SHISA6: variants seen among roughly 807,000 people sequenced by gnomAD.
SHISA6 encodes protein shisa-6.
SHISA6 carries 22 observed loss-of-function variants against 47.9 expected under a neutral mutation model. The observed-to-expected ratio is 0.46, with a 90% CI of 0.33 to 0.66. The LOEUF is 0.66. Among genes scored for constraint, SHISA6 ranks in the 30% least tolerant of loss-of-function variants. SHISA6 has a pLI of 0.02. For synonymous variants in SHISA6, 388 were observed against 337.8 expected, an observed-to-expected ratio of 1.15 and a Z score of -1.63; for missense variants, 680 against 764.6, an observed-to-expected ratio of 0.89 and a Z score of 1.30.
chr17:11,474,324 CT>C (rs968338052), intron 3 of SHISA6, among the ~76,000 whole-genome samples: 6 of 149,060 alleles, frequency 4.0e-5, no homozygotes, highest in Middle Eastern at 3.4e-3. Flanking sequence ...TGATGATGAG[CT>C]TTTTTTTTCA....
At chr17:11,475,689 C>CT (rs1231077140) in intron 3 of SHISA6, among the ~76,000 whole-genome samples, 12 of 151,610 alleles carry the variant, frequency 7.9e-5, no homozygotes, top group Non-Finnish European at 1.5e-4. Context: ...GCTTAGGTTT[C>CT]TTTTTTTGAG....
intron 3 of SHISA6, among the ~76,000 whole-genome samples, chr17:11,412,260 A>C (rs1201793498): frequency 1.3e-5 from 2 of 152,224 alleles, no homozygotes; most frequent in Non-Finnish European, 2.9e-5. Context: ...ACTATATGGC[A>C]GTATAGTGAA....
chr17:11,427,966 C>G (rs148743450), intron 3 of SHISA6, among the ~76,000 whole-genome samples: 51 of 152,050 alleles, frequency 3.4e-4, no homozygotes, highest in Non-Finnish European at 5.9e-4. Flanking sequence ...AGAATAGCAA[C>G]GAGAGAGTAT....
chr17:11,250,644 C>T (rs1907766202), intron 1 of SHISA6, among the ~76,000 whole-genome samples: 1 of 152,158 alleles, frequency 6.6e-6, no homozygotes, highest in Non-Finnish European at 1.5e-5. Flanking sequence ...TTTGTACTGC[C>T]CCCATGCATA....
chr17:11,513,186 A>G (rs2142356444), intron 3 of SHISA6, among the ~76,000 whole-genome samples: 1 of 118,330 alleles, frequency 8.5e-6, no homozygotes, highest in East Asian at 2.8e-4. Flanking sequence ...TGTTTATTAC[A>G]CACATATATA....
At chr17:11,395,189 C>T (rs1355212515) in intron 3 of SHISA6, among the ~76,000 whole-genome samples, 2 of 151,738 alleles carry the variant, frequency 1.3e-5, no homozygotes, top group Middle Eastern at 3.4e-3. Flanking sequence ...TTATCAAAAT[C>T]AGAAAAATTA....
intron 3 of SHISA6, among the ~76,000 whole-genome samples, chr17:11,548,265 C>T (rs192360450): frequency 4.6e-5 from 7 of 152,226 alleles, no homozygotes; most frequent in African/African-American, 1.7e-4. Context: ...AGACACTACA[C>T]GTTTTTATTG....
At position 11,263,360 on chromosome 17, in the gene SHISA6, G is replaced by A; in HGVS notation, c.639-6G>A. ...AATCTCATTATGTGATCTCCTCCTTGTTTAGGGCTCTGGCTGACATCTTAA... is the reference window on the plus strand; with the variant it reads ...AATCTCATTATGTGATCTCCTCCTTATTTAGGGCTCTGGCTGACATCTTAA... On this transcript the variant is annotated splice_polypyrimidine_tract_variant and splice_region_variant and intron_variant, in intron 1 of 5. Coordinates refer to ENST00000441885, the MANE Select transcript of SHISA6 (RefSeq NM_207386.4). 6.4e-7 allele frequency: 1 copy of A among 1,551,832 alleles called. No individual in the cohort carries two copies. The highest frequency in any genetic ancestry group is 1.4e-5 in the African/African-American group (1 of 72,946).
chr17:11,470,361 TAGA>T (rs992960806), intron 3 of SHISA6, among the ~76,000 whole-genome samples: 73 of 152,260 alleles, frequency 4.8e-4, no homozygotes, highest in African/African-American at 1.7e-3. Flanking sequence ...ATGCACACAG[TAGA>T]AGGAGGTCAG....
At position 11,320,724 on chromosome 17, in the gene SHISA6, G is replaced by A. The variant is rs539662978; in HGVS notation, c.799+57198G>A. Among the ~76,000 whole-genome samples the A allele has an allele frequency of 1.6e-4, 24 of 152,008 alleles. 1 individual carries two copies. In the South Asian group the frequency reaches 3.7e-3, roughly 24 times the overall value. ...AGGAGGAGGAGGAGCAGCAGCAGCC[G>A]GAGCAAAACACAGGCAACTAAAGGG... On this transcript the variant is annotated intron_variant, in intron 2 of 5. Transcript: ENST00000441885.
At chr17:11,266,359 T>C (rs1908423537) in intron 2 of SHISA6, among the ~76,000 whole-genome samples, 2 of 152,144 alleles carry the variant, frequency 1.3e-5, no homozygotes, top group South Asian at 2.1e-4. Context: ...ACCTGAGAGC[T>C]TGTGGGAAAT....
intron 3 of SHISA6, among the ~76,000 whole-genome samples, chr17:11,424,298 G>C (rs911875420): frequency 6.6e-6 from 1 of 151,880 alleles, no homozygotes; most frequent in African/African-American, 2.4e-5. Context: ...CAACATACAC[G>C]ATAGTGCCAG....
chr17:11,344,676 TG>T (rs1911637590), intron 2 of SHISA6, among the ~76,000 whole-genome samples: 1 of 152,206 alleles, frequency 6.6e-6, no homozygotes, highest in African/African-American at 2.4e-5. Context: ...TGTACATATT[TG>T]TGGGGTACAG....
intron 2 of SHISA6, chr17:11,290,834 A>T (rs1909506730): frequency 6.6e-6 from 1 of 152,056 alleles, no homozygotes; most frequent in African/African-American, 2.4e-5. Context: ...TATGTTTATG[A>T]TACTGATATG....
chr17:11,347,203 A>G (rs1388636567), intron 2 of SHISA6, among the ~76,000 whole-genome samples: 3 of 152,156 alleles, frequency 2.0e-5, no homozygotes, highest in African/African-American at 7.2e-5. Context: ...GAAAAAAAAA[A>G]AGGATATCCA....
At chr17:11,423,330 G>GCCTGTAACAT (rs1914512229) in intron 3 of SHISA6, among the ~76,000 whole-genome samples, 3 of 9,898 alleles carry the variant, frequency 3.0e-4, no homozygotes, top group African/African-American at 2.2e-3. Context: ...CATATATATA[G>GCCTGTAACAT]ATAGATAGAT....
intron 2 of SHISA6, among the ~76,000 whole-genome samples, chr17:11,275,477 A>G (rs527800374): frequency 6.6e-6 from 1 of 152,340 alleles, no homozygotes; most frequent in East Asian, 1.9e-4. Context: ...ATTGGATGTC[A>G]AGCGTCAGCA....
intron 2 of SHISA6, among the ~76,000 whole-genome samples, chr17:11,334,341 C>A (rs1388217599): frequency 6.6e-6 from 1 of 152,140 alleles, no homozygotes; most frequent in East Asian, 1.9e-4. Flanking sequence ...AAAAAATTCA[C>A]CCAGTTGGTG....
chr17:11,531,211 CTGTGTGTGTGTGTGTGTGTGTGTGTG>C (rs58392834), intron 3 of SHISA6, among the ~76,000 whole-genome samples: 21 of 134,054 alleles, frequency 1.6e-4, no homozygotes, highest in South Asian at 1.3e-3. Context: ...GGTTACTACT[CTGTGTGTGTGTGTGTGTGTGTGTGTG>C]TGTGTGTGTG....
Sources: allele counts gnomAD v4.1 joint callset (sites outside exome capture counted in the v4.1 genomes callset), GRCh38; gene constraint gnomAD v4.1.1; transcripts MANE v1.5; gene names NCBI Gene and HGNC (gene_info 2026-07-23, HGNC 2026-07-21).